The following CCDC178 variants were observed in gnomAD, a reference collection of about 807,000 sequenced individuals.
CCDC178 encodes the protein coiled-coil domain-containing protein 178.
A neutral mutation model predicts 117.4 loss-of-function variants in CCDC178; 126 were observed. That is an observed-to-expected ratio of 1.07 (90% CI 0.93 to 1.24). The LOEUF (loss-of-function observed/expected upper bound fraction) is 1.24, where lower values mean the gene tolerates loss of function less well. Ranked by LOEUF, CCDC178 falls within the 50% of genes most tolerant of loss-of-function variation. The probability of loss-of-function intolerance (pLI) is 0.00; values close to 1 mark genes in which losing one functional copy is unlikely to be tolerated. For missense variants in CCDC178, 1,030 were observed against 986.9 expected (o/e 1.04, Z -0.59); for synonymous variants, 283 against 313.4 (o/e 0.90, Z 1.02).
chr18:33,273,857 AATAG>A (rs1463250100), intron 12 of CCDC178, among the ~76,000 whole-genome samples: 1 of 151,778 alleles, frequency 6.6e-6, no homozygotes, highest in Admixed American at 6.6e-5. Flanking sequence ...CCAAAGATAA[AATAG>A]ATAAATAAGA....
chr18:33,156,082 CTTTTTT>C (rs755685926), intron 20 of CCDC178, among the ~76,000 whole-genome samples: 4 of 98,038 alleles, frequency 4.1e-5, no homozygotes, highest in East Asian at 7.2e-4. Context: ...CTAGAAAACA[CTTTTTT>C]TTTTTTTTTT....
chr18:32,948,175 A>G (rs940833094), intron 22 of CCDC178, among the ~76,000 whole-genome samples: 1 of 152,068 alleles, frequency 6.6e-6, no homozygotes, highest in African/African-American at 2.4e-5. Flanking sequence ...TGTTTTGGCT[A>G]TTCTATGTCC....
intron 21 of CCDC178, among the ~76,000 whole-genome samples, chr18:33,033,955 A>G (rs536901895): frequency 6.6e-6 from 1 of 152,150 alleles, no homozygotes; most frequent in East Asian, 1.9e-4. Context: ...ATGTGTATAT[A>G]TATAAACATG....
intron 21 of CCDC178, among the ~76,000 whole-genome samples, chr18:32,989,199 T>C (rs4350643): frequency 0.15 from 22,371 of 152,194 alleles, 2,370 homozygotes; most frequent in African/African-American, 0.3. Flanking sequence ...TATAAACTTA[T>C]GTGCAAAATA....
intron 11 of CCDC178, among the ~76,000 whole-genome samples, chr18:33,319,123 T>C (rs2062464538): frequency 6.6e-6 from 1 of 152,082 alleles, no homozygotes; most frequent in Non-Finnish European, 1.5e-5. Flanking sequence ...ACATGTGCCA[T>C]GTTGGTGTGC....
At chr18:32,985,764 T>C (rs2055249536) in intron 21 of CCDC178, among the ~76,000 whole-genome samples, 1 of 152,040 alleles carries the variant, frequency 6.6e-6, no homozygotes, top group Non-Finnish European at 1.5e-5. Flanking sequence ...AAACTACAGA[T>C]GTTCTACCAC....
chr18:33,287,096 C>T (rs927980044), intron 12 of CCDC178, among the ~76,000 whole-genome samples: 4 of 151,534 alleles, frequency 2.6e-5, no homozygotes, highest in African/African-American at 9.7e-5. Flanking sequence ...AGATCCATGA[C>T]ACAAATTAGA....
chr18:33,019,913 A>ATATTAT (rs35536059), intron 21 of CCDC178, among the ~76,000 whole-genome samples: 174 of 137,700 alleles, frequency 1.3e-3, no homozygotes, highest in Middle Eastern at 3.8e-3. Context: ...CTTAACTGAG[A>ATATTAT]TATTATTATT....
intron 21 of CCDC178, among the ~76,000 whole-genome samples, chr18:32,979,990 CA>C (rs1222735504): frequency 6.6e-6 from 1 of 151,612 alleles, no homozygotes; most frequent in African/African-American, 2.4e-5. Context: ...TAGCTCCATG[CA>C]AAATAAAATA....
At chr18:33,372,098 T>A (rs965035688) in intron 5 of CCDC178, among the ~76,000 whole-genome samples, 2 of 152,060 alleles carry the variant, frequency 1.3e-5, no homozygotes, top group African/African-American at 2.4e-5. Flanking sequence ...AGCACTCCTA[T>A]GGTTTAGGTT....
At chr18:33,196,475 G>A (rs1462878004) in intron 20 of CCDC178, among the ~76,000 whole-genome samples, 1 of 152,114 alleles carries the variant, frequency 6.6e-6, no homozygotes, top group Non-Finnish European at 1.5e-5. Flanking sequence ...ATTATAGACA[G>A]CACTTTTCTG....
chr18:33,395,348 G>T (rs1396140849), intron 4 of CCDC178, among the ~76,000 whole-genome samples: 1 of 151,906 alleles, frequency 6.6e-6, no homozygotes, highest in Middle Eastern at 3.2e-3. Flanking sequence ...AAATTAGAAT[G>T]CCTTAACTCC....
At chr18:33,245,491 T>C in intron 14 of CCDC178, 63 bp from the exon 15 acceptor site, 3 of 1,277,090 alleles carry the variant, frequency 2.3e-6, no homozygotes, top group Non-Finnish European at 2.0e-6. Context: ...TATTTAATAA[T>C]AGTAAAAAAG....
At chr18:33,168,010 C>A (rs865929717) in intron 20 of CCDC178, among the ~76,000 whole-genome samples, 38 of 152,108 alleles carry the variant, frequency 2.5e-4, no homozygotes, top group African/African-American at 8.9e-4. Flanking sequence ...GTATAGTTTG[C>A]AAATATTTTC....
chr18:32,979,020 G>A (rs767233682), intron 21 of CCDC178, among the ~76,000 whole-genome samples: 1 of 147,140 alleles, frequency 6.8e-6, no homozygotes, highest in African/African-American at 2.5e-5. Flanking sequence ...CTGGGAGACA[G>A]AGTGAGAATC....
At chr18:33,302,354 A>C (rs1309184316) in intron 11 of CCDC178, among the ~76,000 whole-genome samples, 1 of 152,236 alleles carries the variant, frequency 6.6e-6, no homozygotes, top group Admixed American at 6.5e-5. Flanking sequence ...ACTGCCTAAC[A>C]AAGCTGGTGA....
intron 20 of CCDC178, among the ~76,000 whole-genome samples, chr18:33,185,659 A>T (rs181679395): frequency 2.3e-3 from 350 of 152,066 alleles, no homozygotes; most frequent in African/African-American, 8.1e-3. Flanking sequence ...CACATCAAAA[A>T]TTTTTCTCAC....
chr18:33,280,753 T>C (rs200407270), intron 12 of CCDC178, among the ~76,000 whole-genome samples: 10,605 of 152,040 alleles, frequency 0.07, 573 homozygotes, highest in African/African-American at 0.14. Flanking sequence ...CACATATACA[T>C]GATGGAATAC....
At chr18:33,238,168 CG>C (rs1398828086) in intron 15 of CCDC178, among the ~76,000 whole-genome samples, 1 of 152,174 alleles carries the variant, frequency 6.6e-6, no homozygotes, top group African/African-American at 2.4e-5. Flanking sequence ...CCCTACATAA[CG>C]TACTCCATAA....
Sources: allele counts gnomAD v4.1 joint callset (sites outside exome capture counted in the v4.1 genomes callset), GRCh38; gene constraint gnomAD v4.1.1; transcripts MANE v1.5; gene names NCBI Gene and HGNC (gene_info 2026-07-23, HGNC 2026-07-21).